RHBDD1: variants seen among roughly 807,000 people sequenced by gnomAD.
RHBDD1 encodes the protein rhomboid domain containing 1.
Under a neutral mutation model 36.3 loss-of-function variants are expected in RHBDD1, and 38 were observed. The observed-to-expected ratio is 1.05, with a 90% confidence interval of 0.81 to 1.37. RHBDD1 has a LOEUF of 1.37. Ranked by LOEUF, RHBDD1 falls within the 40% of genes most tolerant of loss-of-function variation. The probability of loss-of-function intolerance (pLI) is 0.00; values close to 1 mark genes in which losing one functional copy is unlikely to be tolerated. For missense variants in RHBDD1, 393 were observed against 377.6 expected (o/e 1.04, Z -0.34); for synonymous variants, 151 against 136.5 (o/e 1.11, Z -0.74).
intron 5 of RHBDD1, among the ~76,000 whole-genome samples, chr2:226,870,530 T>C (rs933829431): frequency 6.6e-6 from 1 of 152,202 alleles, no homozygotes; most frequent in African/African-American, 2.4e-5. Context: ...AAGCCTTGGC[T>C]GCATTTGGAC....
chr2:226,863,590 G>C (rs188076553), intron 3 of RHBDD1, among the ~76,000 whole-genome samples: 2 of 152,150 alleles, frequency 1.3e-5, no homozygotes, highest in Non-Finnish European at 2.9e-5. Context: ...CTTCACCTCT[G>C]GAGTAGTAGC....
chr2:226,866,319 C>T (rs565741970), intron 4 of RHBDD1, among the ~76,000 whole-genome samples: 1 of 152,196 alleles, frequency 6.6e-6, no homozygotes, highest in South Asian at 2.1e-4. Flanking sequence ...ATTCACCCAC[C>T]TTGGCCTCCC....
intron 1 of RHBDD1, among the ~76,000 whole-genome samples, chr2:226,836,762 G>A (rs150521776): frequency 3.3e-5 from 5 of 152,266 alleles, no homozygotes; most frequent in African/African-American, 1.2e-4. Context: ...TGACTCCCAG[G>A]CTTTTCTTTT....
intron 8 of RHBDD1, among the ~76,000 whole-genome samples, chr2:226,963,688 T>A (rs1462118268): frequency 6.6e-6 from 1 of 152,172 alleles, no homozygotes; most frequent in African/African-American, 2.4e-5. Context: ...CAGACTTGAG[T>A]GAGCCTGGCC....
chr2:226,917,615 A>G (rs1357314416), intron 8 of RHBDD1, among the ~76,000 whole-genome samples: 1 of 152,098 alleles, frequency 6.6e-6, no homozygotes, highest in East Asian at 1.9e-4. Flanking sequence ...CTAAGACTAA[A>G]TGATCCAGAG....
At chr2:226,871,023 C>G (rs972083781) in intron 5 of RHBDD1, among the ~76,000 whole-genome samples, 1 of 152,064 alleles carries the variant, frequency 6.6e-6, no homozygotes, top group South Asian at 2.1e-4. Context: ...GAAAGCATTA[C>G]CCCCTAGGCT....
chr2:226,987,415 A>G (rs1167553063), intron 8 of RHBDD1, among the ~76,000 whole-genome samples: 1 of 152,176 alleles, frequency 6.6e-6, no homozygotes, highest in African/African-American at 2.4e-5. Flanking sequence ...CAAGGAGCAT[A>G]GCATGGCTGC....
At chr2:226,993,580 C>G (rs1958738185) in intron 8 of RHBDD1, among the ~76,000 whole-genome samples, 1 of 152,128 alleles carries the variant, frequency 6.6e-6, no homozygotes, top group Admixed American at 6.5e-5. Flanking sequence ...TTTACAAATA[C>G]ATATGGCAAA....
chr2:226,948,021 G>A lies in RHBDD1; in HGVS notation c.856+33670G>A, dbSNP rs1951114461. 6.6e-5 allele frequency among the ~76,000 whole-genome samples: 10 copies of A among 152,182 alleles called. No individual in the cohort carries two copies. In the South Asian group the frequency reaches 2.1e-3, roughly 32 times the overall value. On this transcript the variant is annotated intron_variant, in intron 8 of 8. Transcript: ENST00000392062. ...GAAGTCAGTGTGGCGATTCCTCAGGGATCTAGAACTAGAAATACCATTTGA... is the reference window on the plus strand; with the variant it reads ...GAAGTCAGTGTGGCGATTCCTCAGGAATCTAGAACTAGAAATACCATTTGA...
the RHBDD1 span, among the ~76,000 whole-genome samples, chr2:226,806,175 A>C: frequency 6.6e-6 from 1 of 152,122 alleles, no homozygotes; most frequent in African/African-American, 2.4e-5. Context: ...GATTAAGGAC[A>C]TTAGTTTTCT....
upstream of RHBDD1, among the ~76,000 whole-genome samples, chr2:226,832,515 T>C (rs554975519): frequency 6.6e-5 from 10 of 152,278 alleles, no homozygotes; most frequent in East Asian, 1.9e-3. Context: ...TCTATATACT[T>C]AGTGATTTTC....
chr2:226,862,859 A>G (rs901392148), intron 3 of RHBDD1, among the ~76,000 whole-genome samples: 2 of 152,192 alleles, frequency 1.3e-5, no homozygotes, highest in African/African-American at 4.8e-5. Context: ...ATGTGCAGAG[A>G]TCATGTGATG....
chr2:226,925,593 T>C (rs1424134300), intron 8 of RHBDD1, among the ~76,000 whole-genome samples: 1 of 152,216 alleles, frequency 6.6e-6, no homozygotes, highest in Non-Finnish European at 1.5e-5. Flanking sequence ...TCTTCTTGAT[T>C]CTTACACTTA....
At chr2:226,902,332 C>G (rs1358706547) in intron 5 of RHBDD1, among the ~76,000 whole-genome samples, 1 of 152,212 alleles carries the variant, frequency 6.6e-6, no homozygotes, top group African/African-American at 2.4e-5. Context: ...GATGGATCAT[C>G]TTCCCCCAAA....
chr2:226,925,372 C>T (rs572465606), intron 8 of RHBDD1, among the ~76,000 whole-genome samples: 1 of 152,170 alleles, frequency 6.6e-6, no homozygotes, highest in Admixed American at 6.5e-5. Context: ...GTTGTGGTTT[C>T]ATTGTAAAAT....
At chr2:226,957,852 C>T (rs974129866) in intron 8 of RHBDD1, among the ~76,000 whole-genome samples, 1 of 151,990 alleles carries the variant, frequency 6.6e-6, no homozygotes, top group African/African-American at 2.4e-5. Context: ...GATACCACTT[C>T]ACGTCCACTA....
rs1453629345 is a variant in RHBDD1, at chr2:226,997,854, T to G, written c.*2332T>G. ...TGTTCTGGAAATTATTATAATTATT[T>G]TAGTTAATGGACTTGCCTGTAACAA... On this transcript the variant is annotated 3_prime_UTR_variant, in exon 9 of 9. Coordinates refer to ENST00000392062, the MANE Select transcript of RHBDD1 (RefSeq NM_001167608.3). 4.6e-5 allele frequency: 7 copies of G among 152,224 alleles called. No homozygotes were observed. Among genetic ancestry groups the G allele is most frequent in the African/African-American group, 1.7e-4 (7 of 41,454 alleles). 9.4% of individuals were successfully genotyped at this position (152,224 alleles called of 1,614,324 possible). A position where few individuals can be genotyped will look rare whatever the true frequency, so the allele number is the denominator to read the frequency against.
chr2:226,887,212 T>TA (rs1422073927), intron 5 of RHBDD1, among the ~76,000 whole-genome samples: 18 of 152,152 alleles, frequency 1.2e-4, no homozygotes, highest in African/African-American at 4.3e-4. Context: ...ACTAATATTA[T>TA]AAAAACTTTT....
upstream of RHBDD1, among the ~76,000 whole-genome samples, chr2:226,832,935 C>T (rs528286801): frequency 6.6e-6 from 1 of 152,092 alleles, no homozygotes; most frequent in East Asian, 1.9e-4. Context: ...TGCTTGAACC[C>T]GGGAGGCAGA....
Sources: allele counts gnomAD v4.1 joint callset (sites outside exome capture counted in the v4.1 genomes callset), GRCh38; gene constraint gnomAD v4.1.1; transcripts MANE v1.5; gene names NCBI Gene and HGNC (gene_info 2026-07-23, HGNC 2026-07-21).